CAMK1D: variants seen among roughly 807,000 people sequenced by gnomAD.
The protein encoded by CAMK1D is calcium/calmodulin dependent protein kinase ID.
CAMK1D carries 9 observed loss-of-function variants against 47.7 expected under a neutral mutation model. The observed-to-expected ratio is 0.19, with a 90% confidence interval of 0.11 to 0.33. The LOEUF (loss-of-function observed/expected upper bound fraction) is 0.33. CAMK1D is among the 10% of genes least tolerant of loss of function. The pLI, the probability that CAMK1D is intolerant of heterozygous loss-of-function variation, is 1.00. For synonymous variants in CAMK1D, 184 were observed against 184.9 expected (o/e 0.99, Z 0.04); for missense variants, 291 against 488.7 (o/e 0.60, Z 3.81).
intron 1 of CAMK1D, among the ~76,000 whole-genome samples, chr10:12,512,819 G>A (rs899526215): frequency 6.6e-6 from 1 of 152,190 alleles, no homozygotes; most frequent in South Asian, 2.1e-4. Context: ...CCTGGTCCAG[G>A]TGATTTCAGG....
intron 3 of CAMK1D, among the ~76,000 whole-genome samples, chr10:12,748,581 A>C (rs1265507563): frequency 6.6e-6 from 1 of 152,200 alleles, no homozygotes; most frequent in African/African-American, 2.4e-5. Flanking sequence ...TGGGGTCCTC[A>C]GTTGACCAGA....
At chr10:12,465,652 G>T (rs538461798) in intron 1 of CAMK1D, among the ~76,000 whole-genome samples, 1 of 152,326 alleles carries the variant, frequency 6.6e-6, no homozygotes, top group Admixed American at 6.5e-5. Flanking sequence ...CCTGTGCCCA[G>T]CTGAGCCAAT....
chr10:12,431,713 C>T (rs888155860), intron 1 of CAMK1D, among the ~76,000 whole-genome samples: 1 of 152,222 alleles, frequency 6.6e-6, no homozygotes, highest in African/African-American at 2.4e-5. Context: ...ACCCGCATGA[C>T]CCGGTCTGAC....
intron 3 of CAMK1D, among the ~76,000 whole-genome samples, chr10:12,735,960 A>G (rs975550638): frequency 6.6e-6 from 1 of 152,220 alleles, no homozygotes; most frequent in Non-Finnish European, 1.5e-5. Flanking sequence ...GAATTTGAAC[A>G]TAGCACTGAG....
chr10:12,635,580 G>T (rs768479644), intron 2 of CAMK1D, among the ~76,000 whole-genome samples: 1 of 152,150 alleles, frequency 6.6e-6, no homozygotes, highest in Admixed American at 6.5e-5. Flanking sequence ...ATCTTGCTGG[G>T]GGGGAAGAGG....
chr10:12,402,406 G>C (rs1324082386), intron 1 of CAMK1D, among the ~76,000 whole-genome samples: 1 of 151,906 alleles, frequency 6.6e-6, no homozygotes, highest in Non-Finnish European at 1.5e-5. Context: ...GCTAATTTTT[G>C]TTTTTTGTAG....
At chr10:12,792,699 C>G (rs1238924302) in intron 6 of CAMK1D, among the ~76,000 whole-genome samples, 1 of 152,226 alleles carries the variant, frequency 6.6e-6, no homozygotes, top group East Asian at 1.9e-4. Context: ...GTAACAGTGC[C>G]TGTAGATTCT....
At chr10:12,405,530 C>T (rs532731745) in intron 1 of CAMK1D, among the ~76,000 whole-genome samples, 39 of 152,188 alleles carry the variant, frequency 2.6e-4, no homozygotes, top group Non-Finnish European at 4.9e-4. Flanking sequence ...AAGCGCCCGT[C>T]TTTAAAAATT....
At chr10:12,585,065 G>A (rs1837775661) in intron 2 of CAMK1D, among the ~76,000 whole-genome samples, 1 of 152,184 alleles carries the variant, frequency 6.6e-6, no homozygotes, top group Non-Finnish European at 1.5e-5. Context: ...TCATTAGGCT[G>A]GGAGCTAATG....
intron 1 of CAMK1D, among the ~76,000 whole-genome samples, chr10:12,412,357 C>T (rs1839686897): frequency 1.3e-5 from 2 of 151,530 alleles, no homozygotes; most frequent in Non-Finnish European, 1.5e-5. Context: ...TGCCTGTAAT[C>T]CCAGCACTTT....
intron 2 of CAMK1D, among the ~76,000 whole-genome samples, chr10:12,643,975 A>G (rs568142406): frequency 2.1e-4 from 32 of 152,280 alleles, no homozygotes; most frequent in African/African-American, 6.5e-4. Flanking sequence ...AAACAAGCTC[A>G]GAGCTCCTCC....
chr10:12,818,805 G>T (rs1445674463), intron 8 of CAMK1D, among the ~76,000 whole-genome samples: 5 of 152,218 alleles, frequency 3.3e-5, no homozygotes, highest in Non-Finnish European at 5.9e-5. Context: ...GAGAAGAAAA[G>T]GGGAAGAAAG....
At chr10:12,372,026 A>T (rs1032356603) in intron 1 of CAMK1D, among the ~76,000 whole-genome samples, 2 of 152,102 alleles carry the variant, frequency 1.3e-5, no homozygotes, top group African/African-American at 2.4e-5. Context: ...ATATATTTAG[A>T]TATACAACTA....
At position 12,376,744 on chromosome 10, in the gene CAMK1D, TTTTTCTTTTC is replaced by T. The variant is rs748681170; in HGVS notation, c.92+26844_92+26853del. 2.5e-3 allele frequency among the ~76,000 whole-genome samples: 376 copies of T among 150,734 alleles called. 1 individual carries two copies. The highest frequency in any genetic ancestry group is 3.1e-3 in the Non-Finnish European group (208 of 67,814). On this transcript the variant is annotated intron_variant, in intron 1 of 10. Coordinates refer to ENST00000619168, the MANE Select transcript of CAMK1D (RefSeq NM_153498.4). ...AGAGGAATGGCCTTAGTAACCATTT[TTTTTCTTTTC>T]TTTTCTTTTTTTTTTTTGAGACAGA...
intron 1 of CAMK1D, among the ~76,000 whole-genome samples, chr10:12,537,194 C>T (rs1836003023): frequency 6.6e-6 from 1 of 152,162 alleles, no homozygotes; most frequent in African/African-American, 2.4e-5. Flanking sequence ...TCCTCAACCT[C>T]CCAAGTAGCT....
intron 8 of CAMK1D, among the ~76,000 whole-genome samples, chr10:12,817,081 A>C (rs1383759839): frequency 6.6e-6 from 1 of 152,114 alleles, no homozygotes; most frequent in Non-Finnish European, 1.5e-5. Context: ...AAATCATCAG[A>C]TCTCATGAGA....
chr10:12,785,661 C>T (rs3802559), intron 5 of CAMK1D, among the ~76,000 whole-genome samples: 66,542 of 151,984 alleles, frequency 0.44, 15,115 homozygotes, highest in South Asian at 0.53. Flanking sequence ...GGAAGCTGGA[C>T]GCTGTGATTT....
chr10:12,598,944 G>C (rs1350743547), intron 2 of CAMK1D, among the ~76,000 whole-genome samples: 1 of 152,184 alleles, frequency 6.6e-6, no homozygotes, highest in Non-Finnish European at 1.5e-5. Flanking sequence ...GGTGAGTAGG[G>C]AAACAACTAC....
intron 3 of CAMK1D, among the ~76,000 whole-genome samples, chr10:12,730,020 G>C (rs1834821093): frequency 6.6e-6 from 1 of 152,194 alleles, no homozygotes; most frequent in African/African-American, 2.4e-5. Flanking sequence ...TTTGGACAGA[G>C]GCGAATTGTG....
Sources: gnomAD v4.1 joint callset for allele counts (sites outside exome capture counted in the v4.1 genomes callset) on GRCh38, gnomAD v4.1.1 for gene constraint, MANE v1.5 for transcripts, NCBI Gene and HGNC (gene_info 2026-07-23, HGNC 2026-07-21) for gene names.